SERGEF: variants seen among roughly 807,000 people sequenced by gnomAD.
The protein encoded by SERGEF is secretion-regulating guanine nucleotide exchange factor.
Under a neutral mutation model 50.0 loss-of-function variants are expected in SERGEF, and 51 were observed. That is an observed-to-expected ratio of 1.02 (90% CI 0.81 to 1.29). The LOEUF is 1.29. SERGEF is among the 50% of genes most tolerant of loss of function. The pLI is 0.00. For missense variants in SERGEF, 521 were observed against 557.0 expected, an observed-to-expected ratio of 0.94 and a Z score of 0.65; for synonymous variants, 205 against 212.4, an observed-to-expected ratio of 0.97 and a Z score of 0.30.
At chr11:17,789,270 G>A (rs1205884468) in intron 10 of SERGEF, among the ~76,000 whole-genome samples, 1 of 152,206 alleles carries the variant, frequency 6.6e-6, no homozygotes, top group Non-Finnish European at 1.5e-5. Context: ...ACTCTGTAGT[G>A]AGGGATGATT....
intron 10 of SERGEF, among the ~76,000 whole-genome samples, chr11:17,841,488 C>T (rs567992305): frequency 6.6e-4 from 101 of 152,310 alleles, no homozygotes; most frequent in Non-Finnish European, 1.1e-3. Flanking sequence ...TCCTTCTTAT[C>T]TCCACTGTTA....
chr11:18,012,475 T>G (rs1854216562), intron 1 of SERGEF: 1 of 1,077,456 alleles, frequency 9.3e-7, no homozygotes. Context: ...CTGTGCCTTG[T>G]GCGCGGCCAA....
intron 8 of SERGEF, among the ~76,000 whole-genome samples, chr11:17,982,462 C>CAA (rs1223469212): frequency 1.3e-5 from 2 of 152,196 alleles, no homozygotes; most frequent in Non-Finnish European, 2.9e-5. Context: ...CTCAGTTTGA[C>CAA]TTTCACTCAT....
intron 9 of SERGEF, among the ~76,000 whole-genome samples, chr11:17,943,292 C>T (rs1852595382): frequency 6.6e-6 from 1 of 152,076 alleles, no homozygotes; most frequent in Non-Finnish European, 1.5e-5. Flanking sequence ...TCAATTTCCT[C>T]TTGTGTTTTT....
At chr11:17,859,688 A>C (rs1701912021) in intron 10 of SERGEF, among the ~76,000 whole-genome samples, 1 of 152,002 alleles carries the variant, frequency 6.6e-6, no homozygotes, top group African/African-American at 2.4e-5. Context: ...ATTTCAAGGA[A>C]AAAAAAATGG....
At chr11:17,847,298 G>A (rs147702413) in intron 10 of SERGEF, among the ~76,000 whole-genome samples, 9 of 152,272 alleles carry the variant, frequency 5.9e-5, no homozygotes, top group South Asian at 4.1e-4. Flanking sequence ...ACGGCAGAAC[G>A]TGTCTGCACT....
At chr11:17,817,544 A>G (rs1270512222) in intron 10 of SERGEF, among the ~76,000 whole-genome samples, 1 of 152,168 alleles carries the variant, frequency 6.6e-6, no homozygotes, top group Non-Finnish European at 1.5e-5. Context: ...AATATTCACC[A>G]CAACTCTTTG....
intron 9 of SERGEF, among the ~76,000 whole-genome samples, chr11:17,946,952 A>G (rs569464379): frequency 6.6e-6 from 1 of 152,328 alleles, no homozygotes; most frequent in South Asian, 2.1e-4. Context: ...AGTGCCTGCT[A>G]TGTGACTTAG....
intron 10 of SERGEF, among the ~76,000 whole-genome samples, chr11:17,871,101 G>T (rs954313061): frequency 2.0e-5 from 3 of 152,276 alleles, no homozygotes; most frequent in South Asian, 4.1e-4. Flanking sequence ...ATACTTTCAT[G>T]ATCTTGGAAT....
intron 9 of SERGEF, among the ~76,000 whole-genome samples, chr11:17,915,467 G>T (rs1852032275): frequency 6.6e-6 from 1 of 152,184 alleles, no homozygotes; most frequent in African/African-American, 2.4e-5. Flanking sequence ...GAGGTGATCT[G>T]AGTCCCTAGT....
intron 9 of SERGEF, among the ~76,000 whole-genome samples, chr11:17,936,099 C>T (rs970491771): frequency 6.6e-6 from 1 of 152,068 alleles, no homozygotes; most frequent in Admixed American, 6.6e-5. Flanking sequence ...TAATAGCATC[C>T]AAAGTAAATC....
At chr11:17,912,389 A>G (rs1851971924) in intron 9 of SERGEF, among the ~76,000 whole-genome samples, 1 of 152,230 alleles carries the variant, frequency 6.6e-6, no homozygotes. Context: ...TGGCCTAGTT[A>G]ACAAGAGGTA....
chr11:17,936,548 G>A (rs1047070903), intron 9 of SERGEF, among the ~76,000 whole-genome samples: 17 of 152,108 alleles, frequency 1.1e-4, no homozygotes, highest in Non-Finnish European at 2.2e-4. Context: ...AACAGAACAG[G>A]ATTTTTTTTT....
chr11:17,890,335 T>G (rs185409969), intron 9 of SERGEF, among the ~76,000 whole-genome samples: 33 of 152,040 alleles, frequency 2.2e-4, no homozygotes, highest in Non-Finnish European at 4.4e-4. Flanking sequence ...ACTGAAAGAG[T>G]GAGATATAGA....
intron 9 of SERGEF, among the ~76,000 whole-genome samples, chr11:17,945,307 A>C (rs1852637038): frequency 6.6e-6 from 1 of 152,258 alleles, no homozygotes; most frequent in South Asian, 2.1e-4. Context: ...GGAAAAATCA[A>C]ATGGAAATTA....
chr11:17,933,033 A>G (rs1196612197), intron 9 of SERGEF, among the ~76,000 whole-genome samples: 1 of 152,180 alleles, frequency 6.6e-6, no homozygotes, highest in East Asian at 1.9e-4. Flanking sequence ...ATGAAACTCA[A>G]TGTCAAGTTA....
chr11:17,846,095 T>C (rs995157345), intron 10 of SERGEF, among the ~76,000 whole-genome samples: 9 of 152,158 alleles, frequency 5.9e-5, no homozygotes, highest in African/African-American at 2.2e-4. Context: ...CCTAAAGGGA[T>C]GGTGCTCTCT....
At chr11:17,919,304 G>A (rs1215408166) in intron 9 of SERGEF, among the ~76,000 whole-genome samples, 1 of 152,182 alleles carries the variant, frequency 6.6e-6, no homozygotes, top group Non-Finnish European at 1.5e-5. Flanking sequence ...GCCTGAAAAG[G>A]AAAGGGTAAG....
intron 2 of SERGEF, among the ~76,000 whole-genome samples, chr11:18,007,359 T>C (rs1218758661): frequency 6.6e-6 from 1 of 152,202 alleles, no homozygotes; most frequent in East Asian, 1.9e-4. Context: ...TCACCCACCA[T>C]TATTATCCTC....
Sources: gnomAD v4.1 joint callset for allele counts (sites outside exome capture counted in the v4.1 genomes callset) on GRCh38, gnomAD v4.1.1 for gene constraint, MANE v1.5 for transcripts, NCBI Gene and HGNC (gene_info 2026-07-23, HGNC 2026-07-21) for gene names.